CCDC33: variants seen among roughly 807,000 people sequenced by gnomAD.
CCDC33 encodes coiled-coil domain-containing protein 33.
Under a neutral mutation model 91.9 loss-of-function variants are expected in CCDC33, and 94 were observed. The ratio of observed to expected loss-of-function variants is 1.02; its 90% CI spans 0.87 to 1.21. The LOEUF is 1.21. Ranked by LOEUF, CCDC33 falls within the 50% of genes most tolerant of loss-of-function variation. CCDC33 has a pLI of 0.00. For missense variants in CCDC33, 940 were observed against 935.5 expected (o/e 1.00, Z -0.06); for synonymous variants, 396 against 374.5 (o/e 1.06, Z -0.66).
chr15:74,327,958 A>G (rs1382556028), intron 11 of CCDC33, among the ~76,000 whole-genome samples: 1 of 152,200 alleles, frequency 6.6e-6, no homozygotes, highest in Non-Finnish European at 1.5e-5. Context: ...GCATGCCCTC[A>G]TATAAGACCA....
intron 2 of CCDC33, among the ~76,000 whole-genome samples, chr15:74,245,784 A>T (rs1453340679): frequency 1.4e-5 from 2 of 145,938 alleles, no homozygotes; most frequent in African/African-American, 5.1e-5. Context: ...GGGAGGGGGG[A>T]GGGGAAAGCA....
intron 3 of CCDC33, among the ~76,000 whole-genome samples, chr15:74,265,846 A>AGT (rs2076152942): frequency 2.0e-5 from 3 of 152,218 alleles, no homozygotes; most frequent in African/African-American, 7.2e-5. Flanking sequence ...CAACATGGCA[A>AGT]AACCTTGTCT....
chr15:74,233,162 G>T (rs1035744761), upstream of CCDC33, among the ~76,000 whole-genome samples: 50 of 152,312 alleles, frequency 3.3e-4, no homozygotes, highest in African/African-American at 1.1e-3. Flanking sequence ...CAGTCCTCCT[G>T]GTCCACAGCA....
intron 5 of CCDC33, among the ~76,000 whole-genome samples, chr15:74,270,859 C>G (rs946504337): frequency 6.6e-6 from 1 of 152,108 alleles, no homozygotes. Flanking sequence ...GCTGGGACCC[C>G]GCTCGGCTCT....
At chr15:74,318,903 A>G (rs1340890761) in intron 11 of CCDC33, among the ~76,000 whole-genome samples, 1 of 152,202 alleles carries the variant, frequency 6.6e-6, no homozygotes, top group Non-Finnish European at 1.5e-5. Context: ...GGAGGACAGA[A>G]GGGCTTCTGG....
At chr15:74,322,483 G>T (rs1036937093) in intron 11 of CCDC33, among the ~76,000 whole-genome samples, 10 of 152,228 alleles carry the variant, frequency 6.6e-5, no homozygotes, top group Admixed American at 2.6e-4. Context: ...CTTCCCTGGA[G>T]CTAACCCAGG....
At chr15:74,314,060 C>T (rs2060044251) in intron 11 of CCDC33, among the ~76,000 whole-genome samples, 1 of 152,230 alleles carries the variant, frequency 6.6e-6, no homozygotes, top group African/African-American at 2.4e-5. Flanking sequence ...GACTGTGTCT[C>T]CTCCTTATGC....
chr15:74,268,223 CTCGGAGCCCCA>C (rs1478453652), intron 4 of CCDC33, 108 bp from the exon 5 acceptor site: 3 of 730,894 alleles, frequency 4.1e-6, no homozygotes, highest in Non-Finnish European at 7.5e-6. Context: ...TAATTATCAG[CTCGGAGCCCCA>C]GCGGAGCAAT....
intron 10 of CCDC33, 104 bp from the exon 11 acceptor site, chr15:74,295,650 T>G: frequency 4.0e-6 from 4 of 1,003,904 alleles, no homozygotes; most frequent in Non-Finnish European, 4.4e-6. Flanking sequence ...CAGGGCCTCC[T>G]GAGCCATGAG....
intron 4 of CCDC33, among the ~76,000 whole-genome samples, chr15:74,267,611 C>A (rs569087226): frequency 2.0e-5 from 3 of 152,244 alleles, no homozygotes; most frequent in South Asian, 4.1e-4. Context: ...TTCCCCTCCC[C>A]ACTGTGCATT....
At chr15:74,299,540 G>A (rs949834672) in intron 11 of CCDC33, 1 of 152,286 alleles carries the variant, frequency 6.6e-6, no homozygotes, top group African/African-American at 2.4e-5. Flanking sequence ...TTTACAAAGG[G>A]TGGCAATGAG....
upstream of CCDC33, among the ~76,000 whole-genome samples, chr15:74,234,097 ATTC>A (rs1364975017): frequency 2.0e-5 from 3 of 152,306 alleles, no homozygotes; most frequent in South Asian, 4.2e-4. Context: ...GTCTACCCAG[ATTC>A]TTCTTGCTGT....
At chr15:74,271,607 G>A (rs1745037562) in intron 5 of CCDC33, 96 bp from the exon 6 acceptor site, 10 of 850,948 alleles carry the variant, frequency 1.2e-5, no homozygotes, top group South Asian at 1.0e-4. Context: ...ATGAGCTCAC[G>A]GATGGGGAAA....
rs2074302403 is a variant in CCDC33, at chr15:74,208,024, GC to G, written n.90-1358del. On this transcript the variant is annotated intron_variant and non_coding_transcript_variant, in intron 1 of 3. Transcript: ENST00000558645. ...GATGTGCCCTTCCTGCAATTCTCAT[GC>G]CCCCCTCACCAACAGCATCATCATA... 8.7e-6 allele frequency: 12 copies of G among 1,372,092 alleles called. No homozygotes were observed. In the Admixed American group the frequency reaches 3.6e-4, roughly 41 times the overall value. 85.0% of individuals were successfully genotyped at this position (1,372,092 alleles called of 1,614,324 possible).
chr15:74,335,981 G>A lies in CCDC33; in HGVS notation c.2196G>A (p.Leu732=). ...AGCCCTCAGAGCTGGAGCCCCTGCT[G>A]CCCAGCTCAGACTCTAAGCTCAACA... ...LKQPSELEPL[L]PSSDSKLNKP... The change falls in exon 19 of 19, where the codon CTG becomes CTA. Residue 732 remains leucine, a synonymous_variant. Coordinates refer to ENST00000398814, the MANE Select transcript of CCDC33 (RefSeq NM_025055.5). 3 of 1,613,966 alleles carry A rather than the reference G, an allele frequency of 1.9e-6. No individual in the cohort carries two copies. The highest frequency in any genetic ancestry group is 2.5e-6 in the Non-Finnish European group (3 of 1,180,004).
At chr15:74,206,131 T>C (rs1261459085) in intron 1 of CCDC33, among the ~76,000 whole-genome samples, 1 of 152,180 alleles carries the variant, frequency 6.6e-6, no homozygotes, top group African/African-American at 2.4e-5. Context: ...CCCCCGTCCC[T>C]GCACACCAGT....
intron 2 of CCDC33, among the ~76,000 whole-genome samples, chr15:74,210,729 T>C (rs2074354199): frequency 6.6e-6 from 1 of 152,234 alleles, no homozygotes; most frequent in Admixed American, 6.5e-5. Context: ...CAGCCCAATA[T>C]TGCACACTTC....
chr15:74,314,629 C>CA (rs1195077693), intron 11 of CCDC33, among the ~76,000 whole-genome samples: 1 of 152,188 alleles, frequency 6.6e-6, no homozygotes, highest in Non-Finnish European at 1.5e-5. Flanking sequence ...CTGTGAACAT[C>CA]ACTGGCATCA....
intron 5 of CCDC33, among the ~76,000 whole-genome samples, chr15:74,270,638 G>A (rs897577221): frequency 2.0e-5 from 3 of 152,142 alleles, no homozygotes; most frequent in African/African-American, 7.2e-5. Context: ...AGGTGGGTGA[G>A]GGCTGAGGGA....
Sources: allele counts gnomAD v4.1 joint callset (sites outside exome capture counted in the v4.1 genomes callset), GRCh38; gene constraint gnomAD v4.1.1; transcripts MANE v1.5; gene names NCBI Gene and HGNC (gene_info 2026-07-23, HGNC 2026-07-21).